Variants in ZNF721 observed in about 807,000 individuals in gnomAD.
The protein encoded by ZNF721 is zinc finger protein 721.
Under a neutral mutation model 2.4 loss-of-function variants are expected in ZNF721, and 2 were observed. That is an observed-to-expected ratio of 0.82 (90% confidence interval 0.34 to 2.58). The LOEUF is 2.58. Ranked by LOEUF, ZNF721 falls within the 30% of genes most tolerant of loss-of-function variation. The probability of loss-of-function intolerance (pLI) is 0.11; values close to 1 mark genes in which losing one functional copy is unlikely to be tolerated. For missense variants in ZNF721, 1,187 were observed against 1,085.5 expected (o/e 1.09, Z -1.31); for synonymous variants, 398 against 381.8 (o/e 1.04, Z -0.50).
rs556073693 is a variant in ZNF721, at chr4:482,289, G to C, written c.-93-9588C>G. ...AACGATTCTCCTGCCTCAACCTCCT[G>C]AGCCACTAGGATTACAGGCATGTGC... On this transcript the variant is annotated intron_variant, in intron 1 of 2. Coordinates refer to ENST00000511833, the MANE Select transcript of ZNF721 (RefSeq NM_133474.4). Among the ~76,000 whole-genome samples, 29 of 152,158 alleles carry C rather than the reference G, an allele frequency of 1.9e-4. 2 individuals are homozygous for C. The highest frequency in any genetic ancestry group is 7.0e-4 in the African/African-American group (29 of 41,506).
chr4:498,295 C>T (rs879974671), intron 1 of ZNF721, among the ~76,000 whole-genome samples: 1 of 149,996 alleles, frequency 6.7e-6, no homozygotes, highest in Admixed American at 6.6e-5. Flanking sequence ...AGGGAGGGGG[C>T]TTCCAGGTCA....
chr4:498,215 GAA>G lies in ZNF721; in HGVS notation c.-94+839_-94+840del, dbSNP rs797042296. ...GTGAGATTTCATCTGAAAAGAAAAA[GAA>G]AAAAAAAAAAAAAAAAAAAAAAAGA... On this transcript the variant is annotated intron_variant, in intron 1 of 2. Coordinates refer to ENST00000511833, the MANE Select transcript of ZNF721 (RefSeq NM_133474.4). Among the ~76,000 whole-genome samples the G allele has an allele frequency of 2.2e-3, 186 of 83,916 alleles. 1 individual carries two copies. The highest frequency in any genetic ancestry group is 0.01 in the East Asian group (23 of 2,290). 55.1% of individuals were successfully genotyped at this position (83,916 alleles called of 152,430 possible). A position where few individuals can be genotyped will look rare whatever the true frequency, so the allele number is the denominator to read the frequency against.
rs782499763 is a variant in ZNF721, at chr4:443,935, T to C, written c.532A>G (p.Thr178Ala). The C allele has an allele frequency of 1.5e-5, 24 of 1,613,706 alleles. No homozygotes were observed. Among genetic ancestry groups the C allele is most frequent in the African/African-American group, 2.7e-5 (2 of 74,846 alleles). Residue 178 changes from threonine (T) to alanine (A), a missense_variant, in exon 3 of 3, where the codon ACA (threonine) becomes GCA (alanine). Coordinates refer to ENST00000511833, the MANE Select transcript of ZNF721 (RefSeq NM_133474.4). The part of the protein sequence containing the change: ...EECGKAFNRS[T>A]NLTAHKRIHN... ...ATTCTCTTATGTGCAGTAAGGTTTG[T>C]TGACCTATTAAAGGCTTTGCCACAT...
intron 2 of ZNF721, among the ~76,000 whole-genome samples, chr4:446,780 C>T (rs1332212413): frequency 1.3e-5 from 2 of 151,960 alleles, no homozygotes; most frequent in African/African-American, 4.8e-5. Flanking sequence ...TGCAACCTCC[C>T]CTCCTGGGTT....
intron 2 of ZNF721, among the ~76,000 whole-genome samples, chr4:461,277 T>C (rs569787244): frequency 2.0e-5 from 3 of 152,214 alleles, no homozygotes; most frequent in African/African-American, 7.2e-5. Flanking sequence ...GCTTCATCCC[T>C]AGCATGAAAC....
In ZNF721 at chr4:442,083, C is replaced by CTTGA; in HGVS notation, c.2380_2383dup (p.Ser795IlefsTer5). The CTTGA allele has an allele frequency of 6.2e-7, 1 of 1,613,808 alleles. No homozygotes were observed. On this transcript the variant is annotated frameshift_variant, in exon 3 of 3. Transcript: ENST00000511833. LOFTEE classifies it low-confidence loss of function (END_TRUNC). ...ATGAATCCTCTTATGTTTAGCAAAG[C>CTTGA]TTGAGGATGACGTAATGACTTTGCC...
intron 2 of ZNF721, among the ~76,000 whole-genome samples, chr4:470,518 G>A (rs1280091727): frequency 9.2e-5 from 14 of 151,960 alleles, no homozygotes; most frequent in Non-Finnish European, 1.0e-4. Context: ...GATCGAGACC[G>A]GCCTGACCAA....
Position 495,783 on chromosome 4 carries a change from T to C in ZNF721, c.-94+3273A>G, listed in dbSNP as rs922881861. On this transcript the variant is annotated intron_variant, in intron 1 of 2. Transcript: ENST00000511833. ...ACGCCCAGCTAATTTTTTGTATTTT[T>C]AGTGGAGACGGGGTTTCACCATGTT... 2.6e-5 allele frequency among the ~76,000 whole-genome samples: 4 copies of C among 152,068 alleles called. No individual in the cohort carries two copies. The East Asian group carries it at 5.8e-4, about 22-fold the overall frequency.
rs1214121560 is a variant in ZNF721, at chr4:441,993, G to T, written c.2474C>A (p.Thr825Asn). 1.9e-6 allele frequency: 3 copies of T among 1,612,788 alleles called. No individual in the cohort carries two copies. The highest frequency in any genetic ancestry group is 2.5e-6 in the Non-Finnish European group (3 of 1,179,614). ...GKAFTSSTTLTKHRRIHTGEK... is the reference protein window; with the variant it reads ...GKAFTSSTTLNKHRRIHTGEK... ...TCCAGTATGAATTCTCCTATGTTTA[G>T]TAAGGGTTGTGGAACTAGTAAACGC... Residue 825 changes from threonine (T) to asparagine (N), a missense_variant, in exon 3 of 3, where the codon ACT becomes AAT. By Grantham distance (65) the Thr-to-Asn change is moderately conservative. Coordinates refer to ENST00000511833, the MANE Select transcript of ZNF721 (RefSeq NM_133474.4).
intron 2 of ZNF721, 110 bp from the exon 3 acceptor site, chr4:444,542 C>A (rs375387287): frequency 7.5e-5 from 83 of 1,109,742 alleles, no homozygotes; most frequent in African/African-American, 5.0e-4. Flanking sequence ...TAACAAAATA[C>A]CACAAGTCAT....
chr4:444,533 A>G (rs1188689845), intron 2 of ZNF721, 101 bp from the exon 3 acceptor site: 5 of 1,172,378 alleles, frequency 4.3e-6, no homozygotes, highest in Non-Finnish European at 5.9e-6. Flanking sequence ...AAGATCACAT[A>G]ACAAAATACC....
At chr4:492,848 T>C (rs1553871693) in intron 1 of ZNF721, among the ~76,000 whole-genome samples, 1 of 151,520 alleles carries the variant, frequency 6.6e-6, no homozygotes, top group East Asian at 1.9e-4. Context: ...ACATCTTTCT[T>C]ATTTCATGGT....
chr4:498,891 A>G (rs1716495295), intron 1 of ZNF721, among the ~76,000 whole-genome samples, 165 bp downstream of exon 1: 1 of 151,788 alleles, frequency 6.6e-6, no homozygotes, highest in African/African-American at 2.4e-5. Flanking sequence ...CGCCCCGCTA[A>G]TTTTTTGTAT....
Position 443,886 on chromosome 4 carries a change from G to T in ZNF721, c.581C>A (p.Thr194Lys). ...AAAGGCTCTGTCACGATCTTCACCT[G>T]TGTAAGCTTTCTCTCTGTTGTGAAT... Reference protein sequence around the residue: ...KRIHNREKAYTGEDRDRAFGW... With the variant: ...KRIHNREKAYKGEDRDRAFGW... The change falls in exon 3 of 3, where the codon ACA (threonine) becomes AAA (lysine). Residue 194 changes from threonine to lysine, a missense_variant. Physicochemically the swap from Thr to Lys is moderately conservative, Grantham distance 78 (BLOSUM62 -1). Coordinates refer to ENST00000511833, the MANE Select transcript of ZNF721 (RefSeq NM_133474.4). 1 of 1,613,876 alleles carries T rather than the reference G, an allele frequency of 6.2e-7. No individual in the cohort carries two copies. Among genetic ancestry groups the T allele is most frequent in the Non-Finnish European group, 8.5e-7 (1 of 1,179,918 alleles).
rs528334601 is a variant in ZNF721 at position 474,855 on chromosome 4, G to T, written c.-93-2154C>A. The stretch of plus-strand genomic sequence containing the variant: ...CGCGCCACTGCACTCCAGCCTGGGC[G>T]ACAGAGTGAGACTCCGTCTCAAAAA... On this transcript the variant is annotated intron_variant, in intron 1 of 2. Coordinates refer to ENST00000511833, the MANE Select transcript of ZNF721 (RefSeq NM_133474.4). Among the ~76,000 whole-genome samples, 13 of 152,082 alleles carry T rather than the reference G, an allele frequency of 8.5e-5. No homozygotes were observed. In the South Asian group the frequency reaches 2.7e-3, roughly 32 times the overall value.
At chr4:472,969 G>A (rs1715486035) in intron 1 of ZNF721, among the ~76,000 whole-genome samples, 1 of 151,988 alleles carries the variant, frequency 6.6e-6, no homozygotes, top group South Asian at 2.1e-4. Flanking sequence ...TGGAAAACAG[G>A]TTGAACTCAC....
At chr4:474,984 C>G (rs1232199741) in intron 1 of ZNF721, among the ~76,000 whole-genome samples, 10 of 151,880 alleles carry the variant, frequency 6.6e-5, no homozygotes, top group Non-Finnish European at 2.9e-5. Context: ...GTCCGGAGAT[C>G]GAGACCATCC....
At chr4:473,645 A>AAGTACATTCCGTC (rs1715534183) in intron 1 of ZNF721, among the ~76,000 whole-genome samples, 1 of 152,162 alleles carries the variant, frequency 6.6e-6, no homozygotes. Context: ...CTCATTCCGT[A>AAGTACATTCCGTC]AAGTAGGGAC....
chr4:446,151 C>T (rs1206377941), intron 2 of ZNF721, among the ~76,000 whole-genome samples: 7 of 151,962 alleles, frequency 4.6e-5, no homozygotes, highest in African/African-American at 9.7e-5. Context: ...GAAAACCAAA[C>T]ATAATCATAC....
Sources: allele counts gnomAD v4.1 joint callset (sites outside exome capture counted in the v4.1 genomes callset), GRCh38; gene constraint gnomAD v4.1.1; transcripts MANE v1.5; gene names NCBI Gene and HGNC (gene_info 2026-07-23, HGNC 2026-07-21).